Variants in NRCAM observed in about 807,000 individuals in gnomAD.
NRCAM encodes the protein NgCAM-related cell adhesion molecule.
A neutral mutation model predicts 156.5 loss-of-function variants in NRCAM; 83 were observed. That is an observed-to-expected ratio of 0.53 (90% CI 0.44 to 0.64). NRCAM has a LOEUF of 0.64. Among genes scored for constraint, NRCAM ranks in the 30% least tolerant of loss-of-function variants. The pLI is 0.00. For synonymous variants in NRCAM, 538 were observed against 563.9 expected, an observed-to-expected ratio of 0.95 and a Z score of 0.65; for missense variants, 1,417 against 1,597.3, an observed-to-expected ratio of 0.89 and a Z score of 1.92.
chr7:108,362,708 T>C (rs539724512), intron 2 of NRCAM, among the ~76,000 whole-genome samples: 44 of 152,242 alleles, frequency 2.9e-4, no homozygotes, highest in African/African-American at 1.1e-3. Context: ...CTTGTGGTAA[T>C]AGATTTAAGT....
At chr7:108,452,781 G>A (rs117091136) in intron 1 of NRCAM, among the ~76,000 whole-genome samples, 3,493 of 152,202 alleles carry the variant, frequency 0.023, 58 homozygotes, top group African/African-American at 0.034. Flanking sequence ...ATGGGTTACC[G>A]AGCTTCTCAG....
At chr7:108,161,319 GA>G (rs888875340) in intron 30 of NRCAM, among the ~76,000 whole-genome samples, 6 of 152,176 alleles carry the variant, frequency 3.9e-5, no homozygotes, top group African/African-American at 1.4e-4. Flanking sequence ...TAATAAATGT[GA>G]AACCCCTTAT....
chr7:108,387,209 A>C (rs1325459478), intron 2 of NRCAM, among the ~76,000 whole-genome samples: 1 of 152,132 alleles, frequency 6.6e-6, no homozygotes, highest in Non-Finnish European at 1.5e-5. Context: ...TTCTTTAATC[A>C]CTATAGTTTC....
At chr7:108,395,609 C>T (rs928757500) in intron 2 of NRCAM, among the ~76,000 whole-genome samples, 3 of 152,192 alleles carry the variant, frequency 2.0e-5, no homozygotes, top group Non-Finnish European at 1.5e-5. Context: ...TTCCACTTCC[C>T]AATAGGAGTT....
chr7:108,199,490 G>A (rs1478178447), intron 13 of NRCAM, among the ~76,000 whole-genome samples: 1 of 152,200 alleles, frequency 6.6e-6, no homozygotes, highest in Non-Finnish European at 1.5e-5. Flanking sequence ...ACCAATGCGT[G>A]AGCAGAGCTG....
rs2069837863 is a variant in NRCAM, at chr7:108,189,688, C to G, written c.1992G>C (p.Gln664His). The G allele has an allele frequency of 6.4e-7, 1 of 1,562,648 alleles. No homozygotes were observed. Among genetic ancestry groups the G allele is most frequent in the Non-Finnish European group, 8.8e-7 (1 of 1,135,588 alleles). Residue 664 changes from glutamine (Q) to histidine (H), a missense_variant, in exon 20 of 33, where the codon CAG becomes CAC. By Grantham distance (24) the Gln-to-His change is conservative (BLOSUM62 0). This residue lies in a region of NRCAM where 1,238 missense variants were observed against 1,336.4 expected (regional missense o/e 0.93). Transcript: ENST00000379028. Reference protein sequence around the residue: ...ELTDQLDKSVQLSWTPGDDNN... With the variant: ...ELTDQLDKSVHLSWTPGDDNN... ...TGTCATCGCCTGGGGTCCATGACAG[C>G]TGAACACTTTTGTCAAGTTGATCTG...
At chr7:108,177,675 A>ATG (rs2061378032) in intron 26 of NRCAM, among the ~76,000 whole-genome samples, 18 of 18,378 alleles carry the variant, frequency 9.8e-4, no homozygotes, top group African/African-American at 1.5e-3. Flanking sequence ...ATACGTGTAT[A>ATG]TATATACGTG....
intron 1 of NRCAM, among the ~76,000 whole-genome samples, chr7:108,434,702 A>G (rs1007204903): frequency 2.0e-5 from 3 of 152,178 alleles, no homozygotes; most frequent in Admixed American, 1.3e-4. Flanking sequence ...TATTGGCTGG[A>G]GGTATTTGAG....
At position 108,294,193 on chromosome 7, in the gene NRCAM, GTTTTTTT is replaced by G. The variant is rs56717039; in HGVS notation, c.-107+18465_-107+18471del. ...GGAAAAGCCAGCACTTTCTTTACTG[GTTTTTTT>G]TTTTTTTTTTTTTTTTTTTTCCTTT... is the stretch of plus-strand genomic sequence containing the variant. On this transcript the variant is annotated intron_variant, in intron 3 of 32. Transcript: ENST00000379028. 5.6e-4 allele frequency among the ~76,000 whole-genome samples: 49 copies of G among 87,934 alleles called. 2 individuals carry two copies. Among genetic ancestry groups the G allele is most frequent in the Admixed American group, 5.1e-3 (32 of 6,306 alleles). 57.7% of individuals were successfully genotyped at this position (87,934 alleles called of 152,430 possible).
At chr7:108,306,175 T>C (rs950562972) in intron 3 of NRCAM, among the ~76,000 whole-genome samples, 11 of 152,216 alleles carry the variant, frequency 7.2e-5, no homozygotes, top group African/African-American at 1.7e-4. Flanking sequence ...AGAATCCTCA[T>C]TGAAGTCTTA....
intron 4 of NRCAM, 97 bp from the exon 5 acceptor site, chr7:108,237,866 G>A (rs370110278): frequency 1.2e-6 from 1 of 844,870 alleles, no homozygotes; most frequent in Non-Finnish European, 1.8e-6. Flanking sequence ...AGATAAAGGG[G>A]GCATCTTGTC....
At chr7:108,171,198 G>A (rs1435372763) in intron 28 of NRCAM, among the ~76,000 whole-genome samples, 2 of 152,248 alleles carry the variant, frequency 1.3e-5, no homozygotes, top group Admixed American at 6.5e-5. Context: ...GACTGCTTCC[G>A]GTGTGCCTCG....
At chr7:108,425,440 T>C (rs1490591710) in intron 1 of NRCAM, among the ~76,000 whole-genome samples, 1 of 152,184 alleles carries the variant, frequency 6.6e-6, no homozygotes, top group Non-Finnish European at 1.5e-5. Flanking sequence ...ATGATACATG[T>C]GCAGTATTTT....
intron 20 of NRCAM, among the ~76,000 whole-genome samples, chr7:108,185,735 GAAAA>G (rs34028548): frequency 2.3e-5 from 3 of 128,496 alleles, no homozygotes; most frequent in Non-Finnish European, 4.8e-5. Context: ...AGAGAGAGAG[GAAAA>G]AAAAAAAAAA....
At chr7:108,322,680 T>G (rs760300921) in intron 2 of NRCAM, among the ~76,000 whole-genome samples, 17 of 152,164 alleles carry the variant, frequency 1.1e-4, no homozygotes, top group Admixed American at 3.9e-4. Context: ...TGTTGATCAA[T>G]ATCAAAATGG....
At chr7:108,388,439 T>A (rs1311908952) in intron 2 of NRCAM, among the ~76,000 whole-genome samples, 2 of 152,132 alleles carry the variant, frequency 1.3e-5, no homozygotes, top group African/African-American at 2.4e-5. Flanking sequence ...GTTTAAGTTC[T>A]TTGTAGATTC....
At chr7:108,440,920 T>C (rs1005173670) in intron 1 of NRCAM, among the ~76,000 whole-genome samples, 4 of 152,222 alleles carry the variant, frequency 2.6e-5, no homozygotes, top group South Asian at 2.1e-4. Context: ...TTTAAAGAGC[T>C]TGCTGTATAA....
intron 2 of NRCAM, among the ~76,000 whole-genome samples, chr7:108,394,469 C>T (rs989977109): frequency 1.3e-5 from 2 of 152,152 alleles, no homozygotes; most frequent in African/African-American, 4.8e-5. Context: ...ATGTGTAGGG[C>T]AAGAGGAGTA....
chr7:108,262,594 G>C (rs1336588034), intron 3 of NRCAM, among the ~76,000 whole-genome samples: 2 of 152,086 alleles, frequency 1.3e-5, no homozygotes, highest in South Asian at 2.1e-4. Context: ...TATAAGTCTT[G>C]AGCATCCTTT....
Sources: gnomAD v4.1 joint callset for allele counts (sites outside exome capture counted in the v4.1 genomes callset) on GRCh38, gnomAD v4.1.1 for gene constraint, gnomAD v4.1.1 regional missense constraint, MANE v1.5 for transcripts, NCBI Gene and HGNC (gene_info 2026-07-23, HGNC 2026-07-21) for gene names.